Variants in FBXL17 observed in about 807,000 individuals in gnomAD.
FBXL17 encodes F-box and leucine rich repeat protein 17, also known as F-box/LRR-repeat protein 17.
A neutral mutation model predicts 66.2 loss-of-function variants in FBXL17; 22 were observed. The ratio of observed to expected loss-of-function variants is 0.33; its 90% CI spans 0.24 to 0.47. FBXL17 has a LOEUF of 0.47. Ranked by LOEUF, FBXL17 falls within the 20% of genes least tolerant of loss-of-function variation. FBXL17 has a pLI of 1.00. For missense variants in FBXL17, 878 were observed against 948.2 expected (o/e 0.93, Z 0.97); for synonymous variants, 474 against 400.5 (o/e 1.18, Z -2.19).
At chr5:107,945,376 G>A (rs566562074) in intron 7 of FBXL17, among the ~76,000 whole-genome samples, 47 of 152,178 alleles carry the variant, frequency 3.1e-4, no homozygotes, top group African/African-American at 8.7e-4. Flanking sequence ...AGTCGAAGAT[G>A]TACTCCTATA....
rs1362644634 is a variant in FBXL17, at chr5:108,129,781, A to G, written c.1745+56336T>C. Among the ~76,000 whole-genome samples, 12 of 146,804 alleles carry G rather than the reference A, an allele frequency of 8.2e-5. No individual in the cohort carries two copies. The East Asian group carries it at 2.4e-3, about 29-fold the overall frequency. On this transcript the variant is annotated intron_variant, in intron 6 of 8. Transcript: ENST00000542267. ...AATAGAACAAAGATTTTCAAAATAA[A>G]TAAAAAAAATTATTGGCAGGTAAAC...
At chr5:108,371,561 G>A (rs1051398380) in intron 1 of FBXL17, among the ~76,000 whole-genome samples, 1 of 152,094 alleles carries the variant, frequency 6.6e-6, no homozygotes, top group Non-Finnish European at 1.5e-5. Flanking sequence ...AAAAGAAACT[G>A]CCCATGAGAA....
At position 108,195,420 on chromosome 5, in the gene FBXL17, A is replaced by C. The variant is rs549672675; in HGVS notation, c.1615-9173T>G. ...GCCCTGAGATGGAAACTGTCCCAGC[A>C]CTTTGGAAGATGAGTAAGGTGCTGC... On this transcript the variant is annotated intron_variant, in intron 5 of 8. Coordinates refer to ENST00000542267, the MANE Select transcript of FBXL17 (RefSeq NM_001163315.3). Among the ~76,000 whole-genome samples the C allele has an allele frequency of 2.0e-5, 3 of 152,234 alleles. No individual in the cohort carries two copies. The South Asian group carries it at 6.2e-4, about 32-fold the overall frequency.
intron 4 of FBXL17, among the ~76,000 whole-genome samples, chr5:108,310,836 A>G (rs1759080095): frequency 6.6e-6 from 1 of 152,118 alleles, no homozygotes. Flanking sequence ...TTCTTTACAC[A>G]TGTCCTACAT....
At chr5:108,056,529 G>A (rs533828680) in intron 6 of FBXL17, among the ~76,000 whole-genome samples, 1 of 152,206 alleles carries the variant, frequency 6.6e-6, no homozygotes, top group African/African-American at 2.4e-5. Flanking sequence ...GCCAACTGGT[G>A]ATGAGTTTTA....
intron 3 of FBXL17, among the ~76,000 whole-genome samples, chr5:108,356,813 AT>A (rs1177273165): frequency 1.3e-5 from 2 of 152,074 alleles, no homozygotes; most frequent in Non-Finnish European, 2.9e-5. Context: ...CCTAACATAA[AT>A]TATGGGCTTT....
chr5:108,250,109 T>C (rs1282896910), intron 4 of FBXL17, among the ~76,000 whole-genome samples: 1 of 152,148 alleles, frequency 6.6e-6, no homozygotes, highest in Admixed American at 6.5e-5. Flanking sequence ...GTACCATTAA[T>C]GCTAACCTTG....
intron 7 of FBXL17, among the ~76,000 whole-genome samples, chr5:108,013,437 T>C (rs932387896): frequency 1.3e-5 from 2 of 152,234 alleles, no homozygotes; most frequent in African/African-American, 4.8e-5. Flanking sequence ...CACCTGTTCT[T>C]GCTCTGAGCC....
chr5:108,298,392 A>G lies in FBXL17; in HGVS notation c.1506+50007T>C, dbSNP rs185746970. The G allele has an allele frequency of 7.6e-4, 742 of 981,126 alleles. 4 individuals carry two copies. In the African/African-American group the frequency reaches 0.012, roughly 17 times the overall value. 60.8% of individuals were successfully genotyped at this position (981,126 alleles called of 1,614,324 possible). A position where few individuals can be genotyped will look rare whatever the true frequency, so the allele number is the denominator to read the frequency against. On this transcript the variant is annotated intron_variant, in intron 4 of 8. Coordinates refer to ENST00000542267, the MANE Select transcript of FBXL17 (RefSeq NM_001163315.3). ...TTATTTCTTTCTACTCCACCAGTCA[A>G]AGAAGATCAATAAATCAAGACAATC...
At chr5:108,104,554 G>A (rs72789263) in intron 6 of FBXL17, among the ~76,000 whole-genome samples, 4 of 152,136 alleles carry the variant, frequency 2.6e-5, no homozygotes, top group African/African-American at 9.7e-5. Context: ...TGATGGAGAA[G>A]AACAAAAGTT....
intron 1 of FBXL17, among the ~76,000 whole-genome samples, chr5:108,369,341 T>A (rs1472061680): frequency 6.6e-6 from 1 of 152,158 alleles, no homozygotes; most frequent in Non-Finnish European, 1.5e-5. Context: ...CCAATGTATA[T>A]CTTATGTCTC....
chr5:107,970,270 T>C (rs1169006566), intron 7 of FBXL17, among the ~76,000 whole-genome samples: 1 of 152,036 alleles, frequency 6.6e-6, no homozygotes, highest in Non-Finnish European at 1.5e-5. Context: ...AAAACTCTCT[T>C]CTCTCCTGCC....
At chr5:108,186,572 C>A (rs1753242884) in intron 5 of FBXL17, among the ~76,000 whole-genome samples, 1 of 151,916 alleles carries the variant, frequency 6.6e-6, no homozygotes, top group African/African-American at 2.4e-5. Flanking sequence ...GAGATCAAGA[C>A]CATCTTGGCC....
At chr5:108,087,174 C>T (rs1749006649) in intron 6 of FBXL17, among the ~76,000 whole-genome samples, 1 of 152,166 alleles carries the variant, frequency 6.6e-6, no homozygotes, top group African/African-American at 2.4e-5. Flanking sequence ...CCTATCAAGG[C>T]CTTGACTTGG....
intron 4 of FBXL17, among the ~76,000 whole-genome samples, chr5:108,347,018 C>T (rs1388168093): frequency 6.6e-6 from 1 of 152,150 alleles, no homozygotes; most frequent in Non-Finnish European, 1.5e-5. Flanking sequence ...TTGTAGTATA[C>T]TACACATTCA....
chr5:108,331,996 G>A (rs562847484), intron 4 of FBXL17, among the ~76,000 whole-genome samples: 1 of 152,100 alleles, frequency 6.6e-6, no homozygotes, highest in Non-Finnish European at 1.5e-5. Flanking sequence ...GTATCAACCA[G>A]TTCATCAAAA....
intron 4 of FBXL17, among the ~76,000 whole-genome samples, chr5:108,333,123 T>C (rs1470913430): frequency 2.2e-5 from 3 of 133,378 alleles, no homozygotes; most frequent in Admixed American, 2.2e-4. Flanking sequence ...AAGCAAATTT[T>C]GCTTAAGTCA....
intron 7 of FBXL17, among the ~76,000 whole-genome samples, chr5:107,938,802 T>C (rs1019004529): frequency 7.2e-5 from 11 of 152,164 alleles, no homozygotes; most frequent in African/African-American, 2.4e-4. Context: ...ACCTGAATAA[T>C]AGTGGCCCTT....
At chr5:108,265,144 T>C (rs907639393) in intron 4 of FBXL17, among the ~76,000 whole-genome samples, 2 of 152,140 alleles carry the variant, frequency 1.3e-5, no homozygotes, top group Non-Finnish European at 2.9e-5. Context: ...TCATAGACAC[T>C]GATTATTTCA....
Sources: allele counts gnomAD v4.1 joint callset (sites outside exome capture counted in the v4.1 genomes callset), GRCh38; gene constraint gnomAD v4.1.1; transcripts MANE v1.5; gene names NCBI Gene and HGNC (gene_info 2026-07-23, HGNC 2026-07-21).